LRP2: variants seen among roughly 807,000 people sequenced by gnomAD.
LRP2 encodes the protein low-density lipoprotein receptor-related protein 2.
Under a neutral mutation model 531.0 loss-of-function variants are expected in LRP2, and 172 were observed. The ratio of observed to expected loss-of-function variants is 0.32; its 90% CI spans 0.29 to 0.37. The LOEUF (loss-of-function observed/expected upper bound fraction) is 0.37, where lower values mean the gene tolerates loss of function less well. LRP2 is among the 10% of genes least tolerant of loss of function. The pLI is 1.00. For missense variants in LRP2, 5,167 were observed against 5,868.3 expected (o/e 0.88, Z 3.90); for synonymous variants, 1,992 against 2,027.6 (o/e 0.98, Z 0.47).
At chr2:169,138,729 G>A (rs1685607974) in intron 74 of LRP2, 23 bp from the exon 75 acceptor site, 1 of 1,613,410 alleles carries the variant, frequency 6.2e-7, no homozygotes, top group Non-Finnish European at 8.5e-7. Context: ...AACCAAAACA[G>A]TGTCTTGTTA....
In LRP2 at chr2:169,237,324, C is replaced by T; in HGVS notation, c.4507-37G>A. 2.1e-6 allele frequency: 3 copies of T among 1,414,558 alleles called. No homozygotes were observed. The South Asian group carries it at 3.5e-5, about 16-fold the overall frequency. The allele number at this position is 1,414,558 out of a possible 1,614,324, so 87.6% of individuals were successfully genotyped here. On this transcript the variant is annotated intron_variant, in intron 27 of 78. Coordinates refer to ENST00000649046, the MANE Select transcript of LRP2 (RefSeq NM_004525.3). Reference sequence around the variant, plus strand: ...AGTGAATAAAGAGTGAATTCTAGAGCAAATAAATGAATGCAAACATGGATA... The same window carrying T: ...AGTGAATAAAGAGTGAATTCTAGAGTAAATAAATGAATGCAAACATGGATA...
At chr2:169,191,384 C>T (rs774473470) in intron 48 of LRP2, among the ~76,000 whole-genome samples, 18 of 152,126 alleles carry the variant, frequency 1.2e-4, no homozygotes, top group Admixed American at 3.9e-4. Context: ...GAAAACTAAG[C>T]GGGTCACCAG....
At chr2:169,329,309 A>G (rs1685203635) in intron 1 of LRP2, among the ~76,000 whole-genome samples, 1 of 152,172 alleles carries the variant, frequency 6.6e-6, no homozygotes, top group Non-Finnish European at 1.5e-5. Flanking sequence ...TTGGGAGGCC[A>G]TGCCAGGCAG....
In LRP2 at chr2:169,142,667, C is replaced by G; in HGVS notation, c.13108+7G>C. On this transcript the variant is annotated splice_region_variant and intron_variant, in intron 71 of 78. Coordinates refer to ENST00000649046, the MANE Select transcript of LRP2 (RefSeq NM_004525.3). ...GGCCCCCATAGCTGCTTGGGCAGTG[C>G]TCCTACCTGCATCACACTCAGTGGT... 6.2e-7 allele frequency: 1 copy of G among 1,613,650 alleles called. No individual in the cohort carries two copies. Among genetic ancestry groups the G allele is most frequent in the East Asian group, 2.2e-5 (1 of 44,856 alleles).
intron 57 of LRP2, among the ~76,000 whole-genome samples, chr2:169,172,732 G>A (rs568500015): frequency 3.9e-5 from 6 of 152,230 alleles, no homozygotes; most frequent in Non-Finnish European, 7.4e-5. Flanking sequence ...AGATAGATAC[G>A]AAGTCTTTTC....
At chr2:169,274,756 T>C (rs1423902034) in intron 14 of LRP2, among the ~76,000 whole-genome samples, 1 of 152,166 alleles carries the variant, frequency 6.6e-6, no homozygotes, top group Non-Finnish European at 1.5e-5. Context: ...TGAGCTGCTA[T>C]ACCCCCAAGC....
intron 3 of LRP2, among the ~76,000 whole-genome samples, chr2:169,311,965 TG>T (rs1396456858): frequency 1.3e-5 from 2 of 152,228 alleles, no homozygotes; most frequent in African/African-American, 4.8e-5. Context: ...TGGCCTTCTT[TG>T]TCTCTTCTGA....
At position 169,152,803 on chromosome 2, in the gene LRP2, C is replaced by T; in HGVS notation, c.12457G>A (p.Gly4153Arg). 6.2e-7 allele frequency: 1 copy of T among 1,613,970 alleles called. No individual in the cohort carries two copies. The highest frequency in any genetic ancestry group is 8.5e-7 in the Non-Finnish European group (1 of 1,179,884). ...GGGAATGTATGGCAAATTTACCTTC[C>T]AACCCAGTCCACTGCTATTCCATCT... ...QPDGIAVDWV[G>R]RHIYWSDVKN... is the part of the protein sequence containing the mutation. The change falls in exon 67 of 79, where the codon GGA becomes AGA. Residue 4153 changes from glycine to arginine, a missense_variant. Physicochemically the swap from Gly to Arg is moderately radical, Grantham distance 125. This residue lies in a region of LRP2 where 564 missense variants were observed against 747.7 expected (regional missense o/e 0.75). Transcript: ENST00000649046.
intron 44 of LRP2, among the ~76,000 whole-genome samples, chr2:169,199,775 T>C (rs756471249): frequency 6.6e-6 from 1 of 152,206 alleles, no homozygotes; most frequent in Non-Finnish European, 1.5e-5. Context: ...GACTTATTGT[T>C]AATAGTATTC....
chr2:169,247,156 T>C (rs557782443), intron 20 of LRP2, among the ~76,000 whole-genome samples, 170 bp from the exon 21 acceptor site: 20 of 152,304 alleles, frequency 1.3e-4, no homozygotes, highest in African/African-American at 4.8e-4. Context: ...CATTTAGGTA[T>C]GGAAAAGTCC....
At chr2:169,267,966 T>C (rs922079612) in intron 16 of LRP2, among the ~76,000 whole-genome samples, 8 of 152,166 alleles carry the variant, frequency 5.3e-5, no homozygotes, top group Non-Finnish European at 2.9e-5. Flanking sequence ...CATCAGAGAA[T>C]ACTGTAAATA....
chr2:169,160,278 C>G (rs1686524201), intron 63 of LRP2, among the ~76,000 whole-genome samples: 1 of 151,970 alleles, frequency 6.6e-6, no homozygotes, highest in South Asian at 2.1e-4. Flanking sequence ...GTGCTCTTAC[C>G]ACAAAAATAA....
At chr2:169,258,630 G>A (rs1196033181) in intron 17 of LRP2, among the ~76,000 whole-genome samples, 2 of 152,052 alleles carry the variant, frequency 1.3e-5, no homozygotes, top group African/African-American at 4.8e-5. Context: ...GAAAACTACT[G>A]AATGATTAAG....
At chr2:169,345,477 A>T (rs1333689996) in intron 1 of LRP2, among the ~76,000 whole-genome samples, 2 of 152,170 alleles carry the variant, frequency 1.3e-5, no homozygotes, top group Non-Finnish European at 2.9e-5. Context: ...TCAAAAAAGG[A>T]ACTTAAAACA....
chr2:169,255,349 G>C (rs1404888338), intron 19 of LRP2, among the ~76,000 whole-genome samples: 8 of 152,068 alleles, frequency 5.3e-5, no homozygotes. Context: ...CTGTTTCATG[G>C]TACCAGGCTA....
At chr2:169,205,749 G>C in intron 40 of LRP2, 112 bp from the exon 41 acceptor site, 1 of 1,116,530 alleles carries the variant, frequency 9.0e-7, no homozygotes, top group Non-Finnish European at 1.3e-6. Context: ...CATGGCAAAA[G>C]AAACTTCATT....
chr2:169,140,498 C>T lies in LRP2; in HGVS notation c.13156G>A (p.Gly4386Arg), dbSNP rs371867711. Residue 4386 changes from glycine (G) to arginine (R), a missense_variant, in exon 72 of 79, where the codon GGA becomes AGA. Gly to Arg is a moderately radical substitution (Grantham distance 125). Coordinates refer to ENST00000649046, the MANE Select transcript of LRP2 (RefSeq NM_004525.3). Reference protein sequence around the residue: ...NLPPPCRCMHGGNCYFDETDL... With the variant: ...NLPPPCRCMHRGNCYFDETDL... ...GTCTCATCAAAATAGCAATTTCCTC[C>T]GTGCATGCACCTGCATGGGGGGGGC... 62 of 1,613,992 alleles carry T rather than the reference C, an allele frequency of 3.8e-5. No individual in the cohort carries two copies. The highest frequency in any genetic ancestry group is 2.7e-4 in the East Asian group (12 of 44,892).
rs1012774176 is a variant in LRP2 at position 169,194,021 on chromosome 2, G to A, written c.8699-129C>T. On this transcript the variant is annotated intron_variant, in intron 46 of 78. Transcript: ENST00000649046. Reference sequence around the variant, plus strand: ...AGCATTATTTAATTATATACATCTAGGGTAGTCCTCCAATAAGACTAGTAC... The same window carrying A: ...AGCATTATTTAATTATATACATCTAAGGTAGTCCTCCAATAAGACTAGTAC... 4 of 992,888 alleles carry A rather than the reference G, an allele frequency of 4.0e-6. No homozygotes were observed. The African/African-American group carries it at 4.8e-5, about 12-fold the overall frequency. 61.5% of individuals were successfully genotyped at this position (992,888 alleles called of 1,614,324 possible). A position where few individuals can be genotyped will look rare whatever the true frequency, so the allele number is the denominator to read the frequency against.
intron 2 of LRP2, 146 bp from the exon 3 acceptor site, chr2:169,319,030 T>C: frequency 3.0e-6 from 3 of 993,774 alleles, no homozygotes; most frequent in Non-Finnish European, 4.6e-6. Context: ...TACTAGAGTC[T>C]GTGGACGCCA....
Sources: allele counts gnomAD v4.1 joint callset (sites outside exome capture counted in the v4.1 genomes callset), GRCh38; gene constraint gnomAD v4.1.1; regional missense constraint gnomAD v4.1.1; transcripts MANE v1.5; gene names NCBI Gene and HGNC (gene_info 2026-07-23, HGNC 2026-07-21).